The following PCDHGB5 variants were observed in gnomAD, a reference collection of about 807,000 sequenced individuals.
PCDHGB5 encodes the protein protocadherin gamma subfamily B, 5, also known as protocadherin gamma-B5.
A neutral mutation model predicts 62.9 loss-of-function variants in PCDHGB5; 48 were observed. The observed-to-expected ratio is 0.76, with a 90% confidence interval of 0.61 to 0.97. The LOEUF is 0.97. Among genes scored for constraint, PCDHGB5 ranks in the 50% least tolerant of loss-of-function variants. PCDHGB5 has a pLI of 0.00. For missense variants in PCDHGB5, 1,118 were observed against 1,198.6 expected (o/e 0.93, Z 0.99); for synonymous variants, 474 against 511.2 (o/e 0.93, Z 0.98).
chr5:141,403,068 C>T, intron 1 of PCDHGB5: 1 of 1,614,064 alleles, frequency 6.2e-7, no homozygotes, highest in South Asian at 1.1e-5. Flanking sequence ...CCTGAAGAGA[C>T]AGAAAAGGGC....
intron 1 of PCDHGB5, among the ~76,000 whole-genome samples, chr5:141,445,447 A>C (rs974383838): frequency 6.6e-6 from 1 of 152,222 alleles, no homozygotes; most frequent in Non-Finnish European, 1.5e-5. Flanking sequence ...TGGACTAAGG[A>C]TGCAGCAATG....
At position 141,425,978 on chromosome 5, in the gene PCDHGB5, A is replaced by T. The variant is rs182438141; in HGVS notation, c.2397+25454A>T. Among the ~76,000 whole-genome samples the T allele has an allele frequency of 3.9e-3, 592 of 152,340 alleles. 5 individuals carry two copies. Among genetic ancestry groups the T allele is most frequent in the African/African-American group, 0.014 (563 of 41,588 alleles). ...AGTCCAACACATCAGTCTAATTCTG[A>T]ATCCCATTGAATTAGCAAAGGCTTC... On this transcript the variant is annotated intron_variant, in intron 1 of 3. Coordinates refer to ENST00000617380, the MANE Select transcript of PCDHGB5 (RefSeq NM_018925.3).
At chr5:141,449,920 A>G (rs1287640011) in intron 1 of PCDHGB5, among the ~76,000 whole-genome samples, 1 of 151,842 alleles carries the variant, frequency 6.6e-6, no homozygotes, top group East Asian at 1.9e-4. Context: ...TTTAAATTCT[A>G]CCATACCTTA....
chr5:141,414,592 G>T, intron 1 of PCDHGB5: 1 of 1,613,920 alleles, frequency 6.2e-7, no homozygotes, highest in Non-Finnish European at 8.5e-7. Flanking sequence ...CGCCAGGGGT[G>T]CCTCCATCTT....
At chr5:141,409,436 C>G (rs368696166) in intron 1 of PCDHGB5, 2 of 1,613,982 alleles carry the variant, frequency 1.2e-6, no homozygotes, top group Non-Finnish European at 1.7e-6. Flanking sequence ...AGCCCTGGAC[C>G]GAGAGCAGAC....
chr5:141,457,045 C>T (rs1489830197), intron 1 of PCDHGB5, among the ~76,000 whole-genome samples: 1 of 152,198 alleles, frequency 6.6e-6, no homozygotes, highest in African/African-American at 2.4e-5. Context: ...GATAGTAAAA[C>T]TTTCATGCTT....
chr5:141,458,972 GTCC>G (rs2154566422), intron 1 of PCDHGB5, among the ~76,000 whole-genome samples: 1 of 151,882 alleles, frequency 6.6e-6, no homozygotes, highest in East Asian at 1.9e-4. Context: ...GCCTCAAGCA[GTCC>G]TCCTGCCTCA....
intron 2 of PCDHGB5, among the ~76,000 whole-genome samples, chr5:141,502,944 A>G (rs1447378539): frequency 1.4e-5 from 2 of 145,406 alleles, no homozygotes; most frequent in Non-Finnish European, 1.5e-5. Context: ...CCTGGGTTCA[A>G]GCGATTCTCC....
chr5:141,431,408 G>A lies in PCDHGB5; in HGVS notation c.2397+30884G>A. ...CCACCTGGTCCTTACGGCCTCCGAC[G>A]GGGGCGACCCGGTGCGCACAGGCAC... On this transcript the variant is annotated intron_variant, in intron 1 of 3. Transcript: ENST00000617380. The surrounding 1 kb of genome is among the most constrained non-coding windows in gnomAD (Gnocchi z 4.8). 6.2e-7 allele frequency: 1 copy of A among 1,613,718 alleles called. No individual in the cohort carries two copies. The highest frequency in any genetic ancestry group is 2.2e-5 in the East Asian group (1 of 44,882).
rs10040701 is a variant in PCDHGB5 at position 141,508,490 on chromosome 5, A to G, written c.2546-2457A>G. ...TCTTTCTTTTACATTCTGGATTTCC[A>G]TATCTTCTCTCCCTCCTGGTCCAGC... On this transcript the variant is annotated intron_variant, in intron 3 of 3. Transcript: ENST00000617380. Among the ~76,000 whole-genome samples, 377 of 152,202 alleles carry G rather than the reference A, an allele frequency of 2.5e-3. 1 individual carries two copies. The highest frequency in any genetic ancestry group is 8.6e-3 in the African/African-American group (358 of 41,530).
Position 141,490,413 on chromosome 5 carries a change from G to A in PCDHGB5, c.2398-4394G>A, listed in dbSNP as rs2233606. On this transcript the variant is annotated intron_variant, in intron 1 of 3. Transcript: ENST00000617380. The surrounding 1 kb of genome is among the most constrained non-coding windows in gnomAD (Gnocchi z 5.4). ...GTGAAGTGAGCCTTGATATCTCTCC[G>A]GACCTGCCATTTCAGATTAAGCCTT... 2.3e-3 allele frequency: 3,787 copies of A among 1,614,128 alleles called. 38 individuals are homozygous for A. In the African/African-American group the frequency reaches 0.027, roughly 12 times the overall value.
intron 1 of PCDHGB5, among the ~76,000 whole-genome samples, chr5:141,454,831 A>C (rs1489772379): frequency 1.3e-5 from 1 of 78,366 alleles, no homozygotes; most frequent in African/African-American, 6.7e-5. Context: ...TTTTTGAGAC[A>C]GAGTCGCGCT....
chr5:141,482,086 T>C (rs1435200188), intron 1 of PCDHGB5, among the ~76,000 whole-genome samples: 6 of 93,070 alleles, frequency 6.4e-5, no homozygotes, highest in African/African-American at 3.7e-4. Flanking sequence ...ACTCACTCCA[T>C]CTCAAAAAAA....
intron 1 of PCDHGB5, among the ~76,000 whole-genome samples, chr5:141,484,535 A>G (rs2099597486): frequency 6.6e-6 from 1 of 152,178 alleles, no homozygotes. Flanking sequence ...AGTATATGGC[A>G]GTGGTTCTAA....
chr5:141,418,578 CAGTGTT>C, intron 1 of PCDHGB5: 1 of 1,614,040 alleles, frequency 6.2e-7, no homozygotes, highest in African/African-American at 1.3e-5. Flanking sequence ...GACAACCCCC[CAGTGTT>C]CAGCCAGGAC....
chr5:141,414,212 A>G (rs778319178), intron 1 of PCDHGB5: 1 of 1,612,944 alleles, frequency 6.2e-7, no homozygotes, highest in Admixed American at 1.7e-5. Flanking sequence ...GATGTAAATG[A>G]CAACAGTCCA....
intron 1 of PCDHGB5, chr5:141,421,700 C>G: frequency 6.2e-7 from 1 of 1,613,900 alleles, no homozygotes; most frequent in Non-Finnish European, 8.5e-7. Context: ...CTTCCTAATG[C>G]TAGGGATCCA....
chr5:141,436,487 A>G (rs2097826897), intron 1 of PCDHGB5, among the ~76,000 whole-genome samples: 2 of 152,196 alleles, frequency 1.3e-5, no homozygotes, highest in Non-Finnish European at 2.9e-5. Context: ...GAAGGATAGC[A>G]GCTTTGCAAT....
chr5:141,407,338 A>G (rs1016766073), intron 1 of PCDHGB5, among the ~76,000 whole-genome samples: 33 of 152,208 alleles, frequency 2.2e-4, no homozygotes, highest in Non-Finnish European at 1.8e-4. Context: ...ATTGAAATGT[A>G]TGTTAATTTG....
Sources: gnomAD v4.1 joint callset for allele counts (sites outside exome capture counted in the v4.1 genomes callset) on GRCh38, gnomAD v4.1.1 for gene constraint, Gnocchi (gnomAD v3.1) non-coding constraint, MANE v1.5 for transcripts, NCBI Gene and HGNC (gene_info 2026-07-23, HGNC 2026-07-21) for gene names.